MACF1: variants seen among roughly 807,000 people sequenced by gnomAD.
MACF1 encodes microtubule-actin cross-linking factor 1.
In MACF1, 193 loss-of-function variants were observed where a neutral mutation model predicts 854.8. The observed-to-expected ratio is 0.23, with a 90% CI of 0.20 to 0.25. The LOEUF is 0.25. Ranked by LOEUF, MACF1 falls within the 10% of genes least tolerant of loss-of-function variation. MACF1 has a pLI of 1.00. For missense variants in MACF1, 7,722 were observed against 8,929.1 expected, an observed-to-expected ratio of 0.86 and a Z score of 5.45; for synonymous variants, 3,185 against 3,226.7, an observed-to-expected ratio of 0.99 and a Z score of 0.44.
At chr1:39,354,482 G>A (rs991261894) in intron 44 of MACF1, among the ~76,000 whole-genome samples, 13 of 151,990 alleles carry the variant, frequency 8.6e-5, no homozygotes, top group African/African-American at 2.4e-4. Context: ...CCAGCTCACC[G>A]CAACCTCCAT....
intron 50 of MACF1, among the ~76,000 whole-genome samples, chr1:39,369,323 A>C (rs1649026746): frequency 6.6e-6 from 1 of 152,212 alleles, no homozygotes; most frequent in South Asian, 2.1e-4. Context: ...ATCTAAGTTT[A>C]GCGATAAATA....
intron 70 of MACF1, chr1:39,437,529 C>G: frequency 2.4e-6 from 1 of 421,764 alleles, no homozygotes; most frequent in South Asian, 1.9e-5. Context: ...CCAGGCTGGT[C>G]TTGAACTCCT....
At chr1:39,129,546 G>A (rs886840834) in intron 2 of MACF1, among the ~76,000 whole-genome samples, 5 of 152,194 alleles carry the variant, frequency 3.3e-5, no homozygotes, top group African/African-American at 7.2e-5. Flanking sequence ...GCTTAGGTTA[G>A]ATTTAGGAAA....
At chr1:39,396,006 C>G (rs534064394) in intron 58 of MACF1, among the ~76,000 whole-genome samples, 2 of 152,206 alleles carry the variant, frequency 1.3e-5, no homozygotes, top group South Asian at 4.1e-4. Context: ...ATAGATTTTA[C>G]AAAAATCTGT....
At chr1:39,215,880 T>C (rs1355379032) in intron 1 of MACF1, among the ~76,000 whole-genome samples, 1 of 152,104 alleles carries the variant, frequency 6.6e-6, no homozygotes, top group Non-Finnish European at 1.5e-5. Flanking sequence ...TTTTACACTT[T>C]ACTCTGCCAG....
At chr1:39,407,025 T>C (rs1202399708) in intron 58 of MACF1, among the ~76,000 whole-genome samples, 1 of 152,162 alleles carries the variant, frequency 6.6e-6, no homozygotes, top group Non-Finnish European at 1.5e-5. Context: ...GTCCTTAGGA[T>C]TACAGTGTAT....
chr1:39,335,873 T>G lies in MACF1; in HGVS notation c.9285T>G (p.Cys3095Trp), dbSNP rs1646801753. 6.2e-7 allele frequency: 1 copy of G among 1,614,084 alleles called. No individual in the cohort carries two copies. Among genetic ancestry groups the G allele is most frequent in the Admixed American group, 1.7e-5 (1 of 60,006 alleles). Residue 3095 changes from cysteine (C) to tryptophan (W), a missense_variant, in exon 37 of 101, where the codon TGT (cysteine) becomes TGG (tryptophan). Physicochemically the swap from Cys to Trp is radical, Grantham distance 215. This residue lies in a region of MACF1 where 854 missense variants were observed against 852.6 expected (regional missense o/e 1.00). Transcript: ENST00000564288. ...PEENLSREIA[C>W]GAQSEPFPCM... The stretch of plus-strand genomic sequence containing the variant: ...AAAACTTATCTCGAGAAATTGCCTG[T>G]GGGGCCCAGAGTGAACCATTCCCTT...
chr1:39,330,806 T>C (rs1646708873), intron 36 of MACF1, among the ~76,000 whole-genome samples: 1 of 151,306 alleles, frequency 6.6e-6, no homozygotes, highest in Non-Finnish European at 1.5e-5. Flanking sequence ...GTAGTACTTT[T>C]TTTTTTTTTT....
At chr1:39,440,679 A>G (rs1644096945) in intron 72 of MACF1, among the ~76,000 whole-genome samples, 1 of 151,986 alleles carries the variant, frequency 6.6e-6, no homozygotes, top group East Asian at 1.9e-4. Context: ...GTGTTATTTT[A>G]CCCTTGATAT....
At chr1:39,254,149 T>G in intron 4 of MACF1, 149 bp from the exon 5 acceptor site, 1 of 653,922 alleles carries the variant, frequency 1.5e-6, no homozygotes, top group Non-Finnish European at 2.7e-6. Context: ...GGCCTGGTCT[T>G]AGGGGGTGCT....
chr1:39,226,748 T>TA (rs1164678338), intron 1 of MACF1, among the ~76,000 whole-genome samples: 23 of 152,320 alleles, frequency 1.5e-4, no homozygotes, highest in Middle Eastern at 6.8e-3. Context: ...TTTAAATACT[T>TA]ACTAGTTTAA....
intron 66 of MACF1, among the ~76,000 whole-genome samples, chr1:39,431,851 G>A (rs1643880079): frequency 1.3e-5 from 2 of 151,904 alleles, no homozygotes; most frequent in Non-Finnish European, 2.9e-5. Context: ...GCAATTGCCT[G>A]TGTAGTCCTA....
In MACF1 at chr1:39,285,615, C is replaced by T. The variant is rs757708212; in HGVS notation, c.1365C>T (p.His455=). 6.2e-6 allele frequency: 10 copies of T among 1,613,498 alleles called. No individual in the cohort carries two copies. The highest frequency in any genetic ancestry group is 1.3e-5 in the African/African-American group (1 of 74,830). Residue 455 remains histidine, a synonymous_variant, in exon 14 of 101, where the codon CAC becomes CAT. Transcript: ENST00000564288. ...AKNTLQADAA[H]LESGQPVQCE... ...TCTTCCTGTCTCAGGATGCTGCTCA[C>T]CTGGAATCAGGACAACCGGTACAAT...
chr1:39,377,299 A>C (rs2148549419), intron 52 of MACF1, among the ~76,000 whole-genome samples: 1 of 152,314 alleles, frequency 6.6e-6, no homozygotes, highest in South Asian at 2.1e-4. Context: ...GGTGTGAGCC[A>C]CCGCGCCCGG....
chr1:39,324,047 TA>T, intron 33 of MACF1, 145 bp from the exon 34 acceptor site: 1 of 785,204 alleles, frequency 1.3e-6, no homozygotes, highest in Non-Finnish European at 2.0e-6. Flanking sequence ...TAGGCTGGGC[TA>T]AATTATACTT....
At position 39,460,876 on chromosome 1, in the gene MACF1, GTCTTT is replaced by G; in HGVS notation, c.21523+83_21523+87del. 1 of 1,518,858 alleles carries G rather than the reference GTCTTT, an allele frequency of 6.6e-7. No homozygotes were observed. The highest frequency in any genetic ancestry group is 9.1e-7 in the Non-Finnish European group (1 of 1,102,494). 94.1% of individuals were successfully genotyped at this position (1,518,858 alleles called of 1,614,324 possible). On this transcript the variant is annotated intron_variant, in intron 92 of 100. Transcript: ENST00000564288. The surrounding 1 kb of genome is among the most constrained non-coding windows in gnomAD (Gnocchi z 4.1). ...GAAGCTGTGATATTCTAGCTAAACA[GTCTTT>G]CTGAAGCTGGCCAGGAGCTTGGCTC...
chr1:39,444,878 T>C (rs757715048), intron 80 of MACF1, 43 bp downstream of exon 80: 1 of 1,496,058 alleles, frequency 6.7e-7, no homozygotes, highest in Non-Finnish European at 9.0e-7. Flanking sequence ...TGCTGAGTGA[T>C]TGCATGTATA....
At chr1:39,262,983 G>A (rs369891626) in intron 6 of MACF1, among the ~76,000 whole-genome samples, 7 of 42,212 alleles carry the variant, frequency 1.7e-4, no homozygotes, top group African/African-American at 2.5e-4. Context: ...CCCACCCCCC[G>A]CCTCGTCTTG....
At chr1:39,237,215 CAT>C (rs1312652157) in intron 2 of MACF1, among the ~76,000 whole-genome samples, 1 of 152,206 alleles carries the variant, frequency 6.6e-6, no homozygotes, top group Non-Finnish European at 1.5e-5. Context: ...TCTGCCTGAC[CAT>C]CACCCACTTC....
Sources: gnomAD v4.1 joint callset for allele counts (sites outside exome capture counted in the v4.1 genomes callset) on GRCh38, gnomAD v4.1.1 for gene constraint, gnomAD v4.1.1 regional missense constraint, Gnocchi (gnomAD v3.1) non-coding constraint, MANE v1.5 for transcripts, NCBI Gene and HGNC (gene_info 2026-07-23, HGNC 2026-07-21) for gene names.